Variants in SOD2 observed in about 807,000 individuals in gnomAD.
SOD2 encodes superoxide dismutase 2, also known as superoxide dismutase [Mn], mitochondrial.
SOD2 carries 11 observed loss-of-function variants against 27.0 expected under a neutral mutation model. That is an observed-to-expected ratio of 0.41 (90% CI 0.26 to 0.67). The LOEUF is 0.67. Among genes scored for constraint, SOD2 ranks in the 30% least tolerant of loss-of-function variants. SOD2 has a pLI of 0.34. For missense variants in SOD2, 250 were observed against 274.5 expected (o/e 0.91, Z 0.63); for synonymous variants, 105 against 103.0 (o/e 1.02, Z -0.12).
intron 1 of SOD2, among the ~76,000 whole-genome samples, chr6:159,705,480 G>A (rs896090573): frequency 6.6e-6 from 1 of 152,254 alleles, no homozygotes; most frequent in Non-Finnish European, 1.5e-5. Flanking sequence ...GAATGCACAA[G>A]CTTCAGTAGC....
chr6:159,713,733 G>T lies in SOD2; in HGVS notation c.-116+13396C>A, dbSNP rs1423860745. ...TACCCAATCCATTTCAACACTATTAGACTTGAATACTTCAACGTATCTGTG... is the reference window on the plus strand; with the variant it reads ...TACCCAATCCATTTCAACACTATTATACTTGAATACTTCAACGTATCTGTG... On this transcript the variant is annotated intron_variant, in intron 1 of 2. Coordinates refer to the SOD2 transcript ENST00000401980. 7 of 919,628 alleles carry T rather than the reference G, an allele frequency of 7.6e-6. No individual in the cohort carries two copies. In the African/African-American group the frequency reaches 8.1e-5, roughly 11 times the overall value. The allele number at this position is 919,628 out of a possible 1,614,324, so 57.0% of individuals were successfully genotyped here.
chr6:159,688,181 G>C lies in SOD2; in HGVS notation c.288C>G (p.Ile96Met). 3.1e-6 allele frequency: 5 copies of C among 1,613,896 alleles called. No individual in the cohort carries two copies. The highest frequency in any genetic ancestry group is 4.2e-6 in the Non-Finnish European group (5 of 1,179,794). Reference protein sequence around the residue: ...PALKFNGGGHINHSIFWTNLS... With the variant: ...PALKFNGGGHMNHSIFWTNLS... ...GGTTTGTCCAGAAAATGCTATGATTGATATGACCACCACCATTGAACTTCA... is the reference window on the plus strand; with the variant it reads ...GGTTTGTCCAGAAAATGCTATGATTCATATGACCACCACCATTGAACTTCA... Residue 96 changes from isoleucine to methionine, a missense_variant, in exon 3 of 5, where the codon ATC becomes ATG. Physicochemically the swap from Ile to Met is conservative, Grantham distance 10. Coordinates refer to ENST00000538183, the MANE Select transcript of SOD2 (RefSeq NM_000636.4).
At chr6:159,732,575 C>T (rs2114877745) in intron 1 of SOD2, among the ~76,000 whole-genome samples, 1 of 152,310 alleles carries the variant, frequency 6.6e-6, no homozygotes, top group East Asian at 1.9e-4. Context: ...TAGCTTACAC[C>T]TGTAATCCCA....
Position 159,684,840 on chromosome 6 carries a change from T to G in SOD2, c.523+14A>C. On this transcript the variant is annotated intron_variant, in intron 4 of 4. Transcript: ENST00000538183. ...GCATCTCTCCCAAATGAAATCACAA[T>G]TTTTAAATCTAACCTGTTGTTCCTT... The G allele has an allele frequency of 1.3e-6, 2 of 1,598,516 alleles. No individual in the cohort carries two copies. The highest frequency in any genetic ancestry group is 1.3e-5 in the African/African-American group (1 of 74,430).
chr6:159,759,387 G>C (rs772366043), intron 1 of SOD2, among the ~76,000 whole-genome samples: 1 of 148,314 alleles, frequency 6.7e-6, no homozygotes, highest in Non-Finnish European at 1.5e-5. Flanking sequence ...TTATCTTCCA[G>C]CTGGCCGGGC....
intron 1 of SOD2, among the ~76,000 whole-genome samples, chr6:159,754,578 C>T (rs1485515550): frequency 6.6e-6 from 1 of 152,162 alleles, no homozygotes; most frequent in Non-Finnish European, 1.5e-5. Flanking sequence ...GTAAGCCCCT[C>T]ATATAAAATG....
At position 159,673,951 on chromosome 6, in the gene SOD2, G is replaced by A. The variant is rs1779722812; in HGVS notation, c.*8542C>T. On this transcript the variant is annotated 3_prime_UTR_variant, in exon 5 of 5. Coordinates refer to ENST00000538183, the MANE Select transcript of SOD2 (RefSeq NM_000636.4). ...ATCCCACAGAAATACAGAGTACACA[G>A]AGAATACTATAAACACCTCTATGCA... 6.6e-6 allele frequency: 1 copy of A among 152,106 alleles called. No homozygotes were observed. Among genetic ancestry groups the A allele is most frequent in the African/African-American group, 2.4e-5 (1 of 41,420 alleles). The allele number at this position is 152,106 out of a possible 1,614,324, so 9.4% of individuals were successfully genotyped here. A position where few individuals can be genotyped will look rare whatever the true frequency, so the allele number is the denominator to read the frequency against.
intron 1 of SOD2, chr6:159,727,102 G>GCCCCT (rs1374840416): frequency 1.4e-5 from 17 of 1,193,320 alleles, no homozygotes; most frequent in Non-Finnish European, 1.8e-5. Flanking sequence ...TCGCTGGCCC[G>GCCCCT]CCCCTCCCCT....
chr6:159,738,871 AATC>A, intron 1 of SOD2: 1 of 642,890 alleles, frequency 1.6e-6, no homozygotes, highest in Non-Finnish European at 2.5e-6. Flanking sequence ...TTTTTCAAAA[AATC>A]ATAATATGTA....
upstream of SOD2, among the ~76,000 whole-genome samples, chr6:159,696,353 C>A (rs542768392): frequency 3.6e-4 from 55 of 152,256 alleles, no homozygotes; most frequent in African/African-American, 1.3e-3. Context: ...AAGAGTCTTG[C>A]TTTGTTGCTG....
upstream of SOD2, among the ~76,000 whole-genome samples, chr6:159,694,713 A>T (rs1777384857): frequency 6.6e-6 from 1 of 151,384 alleles, no homozygotes; most frequent in Admixed American, 6.6e-5. Flanking sequence ...CTCCTGCCTC[A>T]GCCTCCCGAG....
intron 2 of SOD2, among the ~76,000 whole-genome samples, chr6:159,689,208 A>G (rs1407402602): frequency 2.6e-5 from 4 of 152,190 alleles, no homozygotes; most frequent in African/African-American, 9.7e-5. Flanking sequence ...CCTCAAGGCT[A>G]GCTGAGCACT....
At chr6:159,707,288 C>G (rs983440895) in intron 1 of SOD2, among the ~76,000 whole-genome samples, 1 of 151,920 alleles carries the variant, frequency 6.6e-6, no homozygotes, top group Non-Finnish European at 1.5e-5. Context: ...CTGAAGGAGA[C>G]AGAGACACAA....
chr6:159,753,734 ATAT>A (rs1779902492), intron 1 of SOD2: 8 of 1,276,194 alleles, frequency 6.3e-6, no homozygotes, highest in African/African-American at 6.0e-5. Context: ...CTATGATTGT[ATAT>A]TATTGTGAGT....
In SOD2 at chr6:159,670,658, C is replaced by G. The variant is rs529365036; in HGVS notation, c.*11835G>C. 1 of 153,708 alleles carries G rather than the reference C, an allele frequency of 6.5e-6. No homozygotes were observed. Among genetic ancestry groups the G allele is most frequent in the Admixed American group, 6.5e-5 (1 of 15,306 alleles). The allele number at this position is 153,708 out of a possible 1,614,324, so 9.5% of individuals were successfully genotyped here. On this transcript the variant is annotated 3_prime_UTR_variant, in exon 5 of 5. Transcript: ENST00000538183. ...AACAGCTCCAGTCTACAGCTCCCAG[C>G]GTGAGCGACGCAGAAGACAGGTGAT...
chr6:159,693,162 C>A lies in SOD2; in HGVS notation c.6G>T (p.Leu2Phe), dbSNP rs1777317436. ...CTTCTCACCCGCACACTGCCCGGCT[C>A]AACATGCTGCTAGTGCTGGTGCTAC... M[L>F]SRAVCGTSRQ... Residue 2 changes from leucine (L) to phenylalanine (F), a missense_variant, in exon 1 of 5, where the codon TTG becomes TTT. Physicochemically the swap from Leu to Phe is conservative, Grantham distance 22 (BLOSUM62 0). Coordinates refer to ENST00000538183, the MANE Select transcript of SOD2 (RefSeq NM_000636.4). 1 of 1,533,246 alleles carries A rather than the reference C, an allele frequency of 6.5e-7. No individual in the cohort carries two copies. Among genetic ancestry groups the A allele is most frequent in the South Asian group, 1.2e-5 (1 of 82,102 alleles). 95.0% of individuals were successfully genotyped at this position (1,533,246 alleles called of 1,614,324 possible). A position where few individuals can be genotyped will look rare whatever the true frequency, so the allele number is the denominator to read the frequency against.
chr6:159,736,933 A>C (rs1778958766), intron 1 of SOD2, among the ~76,000 whole-genome samples: 1 of 152,222 alleles, frequency 6.6e-6, no homozygotes, highest in African/African-American at 2.4e-5. Context: ...ATTTAAGTGA[A>C]TAATTTAGAT....
chr6:159,732,027 C>T (rs972441655), upstream of SOD2, among the ~76,000 whole-genome samples: 5 of 152,154 alleles, frequency 3.3e-5, no homozygotes, highest in African/African-American at 9.6e-5. Flanking sequence ...AACCACATAC[C>T]GATGATCCTT....
intron 1 of SOD2, among the ~76,000 whole-genome samples, chr6:159,707,513 C>G (rs1005921650): frequency 6.6e-6 from 1 of 152,176 alleles, no homozygotes; most frequent in South Asian, 2.1e-4. Context: ...ACTAGAAAAT[C>G]TAGAAGAAAT....
Sources: gnomAD v4.1 joint callset for allele counts (sites outside exome capture counted in the v4.1 genomes callset) on GRCh38, gnomAD v4.1.1 for gene constraint, MANE v1.5 for transcripts, NCBI Gene and HGNC (gene_info 2026-07-23, HGNC 2026-07-21) for gene names.